SGCZ: variants seen among roughly 807,000 people sequenced by gnomAD.
The protein encoded by SGCZ is zeta-sarcoglycan.
In SGCZ, 40 loss-of-function variants were observed where a neutral mutation model predicts 41.3. That is an observed-to-expected ratio of 0.97 (90% CI 0.75 to 1.26). The LOEUF is 1.26. Ranked by LOEUF, SGCZ falls within the 50% of genes most tolerant of loss-of-function variation. The pLI is 0.00. For missense variants in SGCZ, 552 were observed against 369.8 expected (o/e 1.49, Z -4.04); for synonymous variants, 206 against 137.5 (o/e 1.50, Z -3.49).
At chr8:14,277,428 A>G in intron 3 of SGCZ, among the ~76,000 whole-genome samples, 1 of 139,174 alleles carries the variant, frequency 7.2e-6, no homozygotes, top group East Asian at 2.2e-4. Context: ...TCACTTCCTC[A>G]TTTCTGCTAT....
At chr8:15,178,551 T>G (rs1352100382) in intron 1 of SGCZ, among the ~76,000 whole-genome samples, 2 of 152,212 alleles carry the variant, frequency 1.3e-5, no homozygotes, top group Admixed American at 6.5e-5. Context: ...CTTTGTTTAT[T>G]GTATAATAAT....
At chr8:14,104,620 T>C (rs1359214942) in intron 6 of SGCZ, among the ~76,000 whole-genome samples, 2 of 152,176 alleles carry the variant, frequency 1.3e-5, no homozygotes, top group African/African-American at 2.4e-5. Context: ...TTTATCATTA[T>C]GTTCTTCTCA....
chr8:14,948,745 C>T (rs1297427159), intron 1 of SGCZ, among the ~76,000 whole-genome samples: 1 of 152,152 alleles, frequency 6.6e-6, no homozygotes, highest in African/African-American at 2.4e-5. Flanking sequence ...TTCTATCCTT[C>T]TTGAACTCTT....
At chr8:14,824,775 A>G (rs1170230741) in intron 1 of SGCZ, among the ~76,000 whole-genome samples, 2 of 152,100 alleles carry the variant, frequency 1.3e-5, no homozygotes, top group Admixed American at 6.6e-5. Context: ...TATCTTCTAC[A>G]TAAACGCTTA....
At chr8:15,053,289 C>T (rs1487120164) in intron 1 of SGCZ, among the ~76,000 whole-genome samples, 1 of 152,048 alleles carries the variant, frequency 6.6e-6, no homozygotes, top group Non-Finnish European at 1.5e-5. Context: ...CACAGTTTTT[C>T]TTTTATTTGT....
rs7842615 is a variant in SGCZ, at chr8:15,041,072, T to A, written c.39+196513A>T. On this transcript the variant is annotated intron_variant, in intron 1 of 7. Transcript: ENST00000382080. ...TGTTTTTAATGTAATATTTTTAATATAATACTAAAACATATCAAACTATTT... is the reference window on the plus strand; with the variant it reads ...TGTTTTTAATGTAATATTTTTAATAAAATACTAAAACATATCAAACTATTT... Among the ~76,000 whole-genome samples the A allele has an allele frequency of 6.5e-3, 983 of 152,066 alleles. 8 individuals are homozygous for A. The highest frequency in any genetic ancestry group is 0.023 in the African/African-American group (955 of 41,562).
chr8:14,096,279 C>T (rs1354940685), intron 7 of SGCZ, among the ~76,000 whole-genome samples: 6 of 152,088 alleles, frequency 3.9e-5, no homozygotes, highest in African/African-American at 1.4e-4. Flanking sequence ...TACATCCCAT[C>T]AATATGTAGT....
intron 2 of SGCZ, among the ~76,000 whole-genome samples, chr8:14,404,659 G>C (rs1390376854): frequency 6.6e-6 from 1 of 152,144 alleles, no homozygotes; most frequent in Non-Finnish European, 1.5e-5. Context: ...AGGAAGTCAA[G>C]ATTCTTAGAC....
At chr8:14,757,888 A>G (rs1799729131) in intron 1 of SGCZ, among the ~76,000 whole-genome samples, 1 of 152,194 alleles carries the variant, frequency 6.6e-6, no homozygotes, top group African/African-American at 2.4e-5. Flanking sequence ...CAAAGACAAT[A>G]TACTGTCTTA....
intron 6 of SGCZ, 129 bp from the exon 7 acceptor site, chr8:14,102,628 A>T (rs934808159): frequency 4.6e-6 from 4 of 863,342 alleles, no homozygotes; most frequent in Admixed American, 8.7e-5. Flanking sequence ...ACAGGCATAA[A>T]GGAAAAGTCC....
intron 2 of SGCZ, among the ~76,000 whole-genome samples, chr8:14,425,840 G>A (rs1585493806): frequency 6.6e-6 from 1 of 151,842 alleles, no homozygotes; most frequent in Admixed American, 6.6e-5. Flanking sequence ...AAAGAGTAAG[G>A]ACCAAGTAAT....
At chr8:14,217,658 G>C (rs1379844975) in intron 4 of SGCZ, among the ~76,000 whole-genome samples, 1 of 91,788 alleles carries the variant, frequency 1.1e-5, no homozygotes, top group East Asian at 3.0e-4. Flanking sequence ...TTTTGAGACA[G>C]AGTCTCTGTC....
At chr8:14,219,491 G>T (rs932726088) in intron 4 of SGCZ, among the ~76,000 whole-genome samples, 1 of 152,230 alleles carries the variant, frequency 6.6e-6, no homozygotes, top group Non-Finnish European at 1.5e-5. Context: ...GCTCACGCCT[G>T]TAATTCCAGC....
At chr8:14,378,393 CA>C (rs1350751615) in intron 2 of SGCZ, among the ~76,000 whole-genome samples, 1 of 151,964 alleles carries the variant, frequency 6.6e-6, no homozygotes, top group Non-Finnish European at 1.5e-5. Flanking sequence ...TCTAAAACAC[CA>C]AAAGCAATGG....
chr8:14,366,499 G>T (rs1186127667), intron 2 of SGCZ, among the ~76,000 whole-genome samples: 1 of 151,964 alleles, frequency 6.6e-6, no homozygotes, highest in Non-Finnish European at 1.5e-5. Flanking sequence ...AAAAAATTTG[G>T]TGGGGGGGAC....
chr8:14,630,144 A>G (rs1172515957), intron 1 of SGCZ, among the ~76,000 whole-genome samples: 2 of 152,166 alleles, frequency 1.3e-5, no homozygotes, highest in African/African-American at 4.8e-5. Context: ...CTATGAAAGC[A>G]AAATGAATCT....
At chr8:14,118,409 T>C (rs1802591176) in intron 5 of SGCZ, among the ~76,000 whole-genome samples, 1 of 151,234 alleles carries the variant, frequency 6.6e-6, no homozygotes. Flanking sequence ...CACTTTTTGA[T>C]GGGGTTGTTT....
chr8:14,209,516 TAAG>T (rs889861974), intron 4 of SGCZ, among the ~76,000 whole-genome samples: 4 of 152,120 alleles, frequency 2.6e-5, no homozygotes, highest in Non-Finnish European at 5.9e-5. Flanking sequence ...TCCTATTACA[TAAG>T]AAGTGCTTAA....
chr8:14,924,397 G>T (rs191048073), intron 1 of SGCZ, among the ~76,000 whole-genome samples: 14 of 152,258 alleles, frequency 9.2e-5, no homozygotes, highest in Admixed American at 4.6e-4. Context: ...AGAGATGAAA[G>T]CACCTAATAA....
Sources: gnomAD v4.1 joint callset for allele counts (sites outside exome capture counted in the v4.1 genomes callset) on GRCh38, gnomAD v4.1.1 for gene constraint, MANE v1.5 for transcripts, NCBI Gene and HGNC (gene_info 2026-07-23, HGNC 2026-07-21) for gene names.